LENG8: variants seen among roughly 807,000 people sequenced by gnomAD.
The protein encoded by LENG8 is leukocyte receptor cluster (LRC) member 8.
Under a neutral mutation model 102.1 loss-of-function variants are expected in LENG8, and 28 were observed. The observed-to-expected ratio is 0.27, with a 90% CI of 0.20 to 0.38. LENG8 has a LOEUF of 0.38. LENG8 is among the 10% of genes least tolerant of loss of function. The pLI is 1.00. For missense variants in LENG8, 1,022 were observed against 1,113.9 expected, an observed-to-expected ratio of 0.92 and a Z score of 1.17; for synonymous variants, 531 against 456.7, an observed-to-expected ratio of 1.16 and a Z score of -2.07.
chr19:54,449,951 C>CT (rs1445969559), intron 1 of LENG8, among the ~76,000 whole-genome samples: 3 of 152,184 alleles, frequency 2.0e-5, no homozygotes, highest in Admixed American at 6.5e-5. Flanking sequence ...GTTTCTAGGG[C>CT]TTTTCCCCAG....
rs78514185 is a variant in LENG8, at chr19:54,456,014, A to C, written c.1073A>C (p.Glu358Ala). The C allele has an allele frequency of 1.2e-6, 2 of 1,613,006 alleles. No homozygotes were observed. Among genetic ancestry groups the C allele is most frequent in the Non-Finnish European group, 1.7e-6 (2 of 1,179,730 alleles). The change falls in exon 9 of 16, where the codon GAG becomes GCG. Residue 358 changes from glutamate to alanine, a missense_variant. Transcript: ENST00000326764. ...GAGAGCCCTAAGAAGAAGCGGTGGG[A>C]GGCCGCTAGCAGCCTTCACCCTCCT... Reference protein sequence around the residue: ...VAESPKKKRWEAASSLHPPRG... With the variant: ...VAESPKKKRWAAASSLHPPRG...
At chr19:54,450,492 G>A (rs866809046) in intron 1 of LENG8, among the ~76,000 whole-genome samples, 1 of 151,914 alleles carries the variant, frequency 6.6e-6, no homozygotes, top group South Asian at 2.1e-4. Flanking sequence ...TCCCTGAAAG[G>A]CCTCCCTTTT....
chr19:54,455,891 C>A, intron 8 of LENG8, 76 bp from the exon 9 acceptor site: 3 of 1,496,436 alleles, frequency 2.0e-6, no homozygotes, highest in Non-Finnish European at 2.7e-6. Flanking sequence ...CGGGTCGGTA[C>A]CTTGAGGGAG....
Position 54,461,071 on chromosome 19 carries a change from T to C in LENG8, c.*143T>C, listed in dbSNP as rs2084523806. ...AAGAGCCACCATCCCTGCCCCCGTT[T>C]TCCCACCGGGGAGTCTGTACAGAGA... On this transcript the variant is annotated 3_prime_UTR_variant, in exon 16 of 16. Coordinates refer to ENST00000326764, the MANE Select transcript of LENG8 (RefSeq NM_052925.4). The C allele has an allele frequency of 8.1e-7, 1 of 1,228,688 alleles. No homozygotes were observed. The highest frequency in any genetic ancestry group is 1.5e-5 in the African/African-American group (1 of 66,626). The allele number at this position is 1,228,688 out of a possible 1,614,324, so 76.1% of individuals were successfully genotyped here. A position where few individuals can be genotyped will look rare whatever the true frequency, so the allele number is the denominator to read the frequency against.
intron 13 of LENG8, 50 bp downstream of exon 13, chr19:54,458,052 G>C (rs778371151): frequency 6.2e-7 from 1 of 1,612,118 alleles, no homozygotes. Context: ...CTGCCGTTCT[G>C]CCCTCAGCAC....
Position 54,456,025 on chromosome 19 carries a change from A to G in LENG8, c.1084A>G (p.Ser362Gly). Residue 362 changes from serine (S) to glycine (G), a missense_variant, in exon 9 of 16, where the codon AGC becomes GGC. This residue lies in a region of LENG8 where 326 missense variants were observed against 324.5 expected (regional missense o/e 1.00). Coordinates refer to ENST00000326764, the MANE Select transcript of LENG8 (RefSeq NM_052925.4). ...PKKKRWEAAS[S>G]LHPPRGAGSA... ...GAAGAAGCGGTGGGAGGCCGCTAGCAGCCTTCACCCTCCTAGAGGGGCAGG... is the reference window on the plus strand; with the variant it reads ...GAAGAAGCGGTGGGAGGCCGCTAGCGGCCTTCACCCTCCTAGAGGGGCAGG... 1.2e-6 allele frequency: 2 copies of G among 1,613,186 alleles called. No homozygotes were observed. The highest frequency in any genetic ancestry group is 1.7e-6 in the Non-Finnish European group (2 of 1,179,620).
rs141841613 is a variant in LENG8 at position 54,454,598 on chromosome 19, G to A, written c.595G>A (p.Ala199Thr). The A allele has an allele frequency of 8.0e-5, 128 of 1,609,698 alleles. 1 individual carries two copies. Among genetic ancestry groups the A allele is most frequent in the Admixed American group, 3.5e-4 (21 of 59,730 alleles). The change falls in exon 6 of 16, where the codon GCC becomes ACC. Residue 199 changes from alanine to threonine, a missense_variant. Coordinates refer to ENST00000326764, the MANE Select transcript of LENG8 (RefSeq NM_052925.4). ...CACACAGCACAGCCAGGCGGGGCCC[G>A]CCACGGGCCAGGCCTATGGGCCACA... The part of the protein sequence containing the change: ...PATQHSQAGP[A>T]TGQAYGPHTY...
At chr19:54,460,356 T>TGA (rs2084467323) in intron 15 of LENG8, 1 of 1,207,432 alleles carries the variant, frequency 8.3e-7, no homozygotes, top group Non-Finnish European at 1.1e-6. Context: ...GCGCCTGGCT[T>TGA]CCCAGACACT....
chr19:54,459,315 T>G, intron 15 of LENG8: 1 of 1,008,640 alleles, frequency 9.9e-7, no homozygotes, highest in South Asian at 4.2e-5. Flanking sequence ...TCGAAGAGGT[T>G]GACCGGTAGA....
At chr19:54,453,240 C>T (rs549108564) in intron 4 of LENG8, among the ~76,000 whole-genome samples, 6 of 152,266 alleles carry the variant, frequency 3.9e-5, no homozygotes, top group East Asian at 1.9e-4. Context: ...TGTCTCCAGC[C>T]GGACATGTAA....
chr19:54,455,615 C>T, intron 8 of LENG8, 48 bp downstream of exon 8: 1 of 1,521,468 alleles, frequency 6.6e-7, no homozygotes, highest in Non-Finnish European at 8.9e-7. Flanking sequence ...CTGTGAGAGG[C>T]ATGGGCTGGG....
intron 4 of LENG8, among the ~76,000 whole-genome samples, chr19:54,453,084 A>G (rs2084038209): frequency 6.6e-6 from 1 of 152,100 alleles, no homozygotes. Context: ...CGCCTCTTGG[A>G]GGTCTCTGCT....
At chr19:54,455,206 GC>G in intron 7 of LENG8, 114 bp downstream of exon 7, 1 of 1,524,324 alleles carries the variant, frequency 6.6e-7, no homozygotes, top group Middle Eastern at 1.8e-4. Context: ...TCTGAAAAGG[GC>G]AGAAGGACCC....
Position 54,453,664 on chromosome 19 carries a change from C to T in LENG8, c.426+8C>T. 3.1e-6 allele frequency: 5 copies of T among 1,595,038 alleles called. No individual in the cohort carries two copies. In the South Asian group the frequency reaches 3.3e-5, roughly 11 times the overall value. On this transcript the variant is annotated splice_region_variant and intron_variant, in intron 5 of 15. Coordinates refer to ENST00000326764, the MANE Select transcript of LENG8 (RefSeq NM_052925.4). ...CAAGGGACTCTGAACCAGGTAACATCCTAGCCCAGCTCCCATACCCTGCTC... is the reference window on the plus strand; with the variant it reads ...CAAGGGACTCTGAACCAGGTAACATTCTAGCCCAGCTCCCATACCCTGCTC...
Position 54,456,690 on chromosome 19 carries a change from TGA to T in LENG8, c.1502_1503del (p.Glu501GlyfsTer41), listed in dbSNP as rs1218266614. On this transcript the variant is annotated frameshift_variant, in exon 11 of 16. Coordinates refer to ENST00000326764, the MANE Select transcript of LENG8 (RefSeq NM_052925.4). LOFTEE classifies it high-confidence loss of function. Reference sequence around the variant, plus strand: ...GAAAGAAGATGGCGGCGCTGGAGTGTGAGGACCCGGAGCGAGAGCTGAAGAAG... The same window carrying T: ...GAAAGAAGATGGCGGCGCTGGAGTGTGGACCCGGAGCGAGAGCTGAAGAAG... ...SRKKMAALEC[E>X]DPERELKKQK... The T allele has an allele frequency of 6.2e-7, 1 of 1,612,988 alleles. No individual in the cohort carries two copies. The highest frequency in any genetic ancestry group is 1.3e-5 in the African/African-American group (1 of 74,796).
In LENG8 at chr19:54,458,141, C is replaced by T. The variant is rs1174799295; in HGVS notation, c.1941C>T (p.Leu647=). ...AGTTTAACCAGTGCCAGACGCAGCT[C>T]AAGTCGCTGTACGCCGAGAACTTGC... is the stretch of plus-strand genomic sequence containing the variant. The part of the protein sequence containing the change: ...HEEFNQCQTQ[L]KSLYAENLPG... The change falls in exon 14 of 16, where the codon CTC becomes CTT. Residue 647 remains leucine, a synonymous_variant. Coordinates refer to ENST00000326764, the MANE Select transcript of LENG8 (RefSeq NM_052925.4). The T allele has an allele frequency of 3.7e-6, 6 of 1,614,046 alleles. No individual in the cohort carries two copies. Among genetic ancestry groups the T allele is most frequent in the African/African-American group, 2.7e-5 (2 of 75,058 alleles).
Position 54,458,587 on chromosome 19 carries a change from G to A in LENG8, c.2240+66G>A, listed in dbSNP as rs2084371422. On this transcript the variant is annotated intron_variant, in intron 15 of 15. Coordinates refer to ENST00000326764, the MANE Select transcript of LENG8 (RefSeq NM_052925.4). Reference sequence around the variant, plus strand: ...TCCTTCCGCCTCGCACCGCCCCTCAGACCAGCTCCTGGCCGCAGGCCTCCC... The same window carrying A: ...TCCTTCCGCCTCGCACCGCCCCTCAAACCAGCTCCTGGCCGCAGGCCTCCC... The A allele has an allele frequency of 2.5e-6, 4 of 1,604,226 alleles. No individual in the cohort carries two copies. The African/African-American group carries it at 4.0e-5, about 16-fold the overall frequency.
chr19:54,455,931 C>T (rs776438539), intron 8 of LENG8, 36 bp from the exon 9 acceptor site: 114 of 1,583,878 alleles, frequency 7.2e-5, no homozygotes, highest in South Asian at 1.5e-4. Flanking sequence ...CAGTGTCTGG[C>T]GGGGTTGGTG....
intron 1 of LENG8, among the ~76,000 whole-genome samples, chr19:54,450,306 A>G (rs779936133): frequency 6.6e-6 from 1 of 151,844 alleles, no homozygotes; most frequent in Non-Finnish European, 1.5e-5. Context: ...CCCTTCGGAG[A>G]CCTTTTTGAA....
Sources: gnomAD v4.1 joint callset for allele counts (sites outside exome capture counted in the v4.1 genomes callset) on GRCh38, gnomAD v4.1.1 for gene constraint, gnomAD v4.1.1 regional missense constraint, MANE v1.5 for transcripts, NCBI Gene and HGNC (gene_info 2026-07-23, HGNC 2026-07-21) for gene names.